GADL1: variants seen among roughly 807,000 people sequenced by gnomAD.
GADL1 encodes GAD like acidic amino acid decarboxylase 1, also known as acidic amino acid decarboxylase GADL1.
GADL1 carries 71 observed loss-of-function variants against 69.5 expected under a neutral mutation model. The ratio of observed to expected loss-of-function variants is 1.02; its 90% CI spans 0.84 to 1.25. The LOEUF is 1.25. Ranked by LOEUF, GADL1 falls within the 50% of genes most tolerant of loss-of-function variation. The pLI, the probability that GADL1 is intolerant of heterozygous loss-of-function variation, is 0.00. For synonymous variants in GADL1, 254 were observed against 214.4 expected (o/e 1.18, Z -1.62); for missense variants, 737 against 631.8 (o/e 1.17, Z -1.79).
chr3:30,819,519 A>T (rs945355148), intron 11 of GADL1, among the ~76,000 whole-genome samples: 2 of 152,130 alleles, frequency 1.3e-5, no homozygotes, highest in East Asian at 3.9e-4. Context: ...GTAAACTAAC[A>T]TGGTTATTAC....
chr3:30,785,294 C>T (rs1696763939), intron 13 of GADL1, among the ~76,000 whole-genome samples: 1 of 151,960 alleles, frequency 6.6e-6, no homozygotes, highest in Non-Finnish European at 1.5e-5. Flanking sequence ...TTTCTGTTTT[C>T]TATCTCCTGT....
chr3:30,748,197 T>C (rs1305079102), intron 14 of GADL1, among the ~76,000 whole-genome samples: 5 of 152,160 alleles, frequency 3.3e-5, no homozygotes, highest in African/African-American at 1.2e-4. Context: ...GAACACCATC[T>C]AGTGAAGGAT....
chr3:30,806,013 C>G (rs1697247999), intron 11 of GADL1, among the ~76,000 whole-genome samples: 1 of 151,940 alleles, frequency 6.6e-6, no homozygotes, highest in Non-Finnish European at 1.5e-5. Context: ...TCACCTCCTG[C>G]TGTGTGGCCC....
At chr3:30,821,371 T>G (rs1697576871) in intron 11 of GADL1, among the ~76,000 whole-genome samples, 1 of 152,086 alleles carries the variant, frequency 6.6e-6, no homozygotes, top group Non-Finnish European at 1.5e-5. Context: ...ACTGAAATAC[T>G]TACAAGTAAA....
At chr3:30,859,122 G>A (rs1355017201) in intron 2 of GADL1, among the ~76,000 whole-genome samples, 5 of 151,904 alleles carry the variant, frequency 3.3e-5, no homozygotes, top group Non-Finnish European at 7.4e-5. Context: ...AAGTGAGAAT[G>A]TAGGAGGTGA....
chr3:30,775,755 G>A (rs1696522928), intron 14 of GADL1, among the ~76,000 whole-genome samples: 1 of 152,140 alleles, frequency 6.6e-6, no homozygotes, highest in African/African-American at 2.4e-5. Context: ...GCAAATATTG[G>A]GGATAAGAGA....
Position 30,807,961 on chromosome 3 carries a change from G to A in GADL1, c.1051-6873C>T, listed in dbSNP as rs559661495. Among the ~76,000 whole-genome samples, 513 of 82,424 alleles carry A rather than the reference G, an allele frequency of 6.2e-3. 1 individual carries two copies. The highest frequency in any genetic ancestry group is 0.032 in the African/African-American group (495 of 15,444). 54.1% of individuals were successfully genotyped at this position (82,424 alleles called of 152,430 possible). On this transcript the variant is annotated intron_variant, in intron 11 of 14. Transcript: ENST00000282538. ...GCAGAAGAATCGTTTGAACCCGGGA[G>A]GTGGAGATTGCAGTGAGCCGAGATT... is the stretch of plus-strand genomic sequence containing the variant.
intron 13 of GADL1, chr3:30,779,097 A>G (rs1696601397): frequency 6.6e-6 from 1 of 152,198 alleles, no homozygotes. Flanking sequence ...ATGGGACTGT[A>G]TTGTAACAGG....
At chr3:30,835,779 G>C (rs966262819) in intron 9 of GADL1, among the ~76,000 whole-genome samples, 3 of 152,042 alleles carry the variant, frequency 2.0e-5, no homozygotes, top group Non-Finnish European at 4.4e-5. Flanking sequence ...TGTGTTTCAA[G>C]GGTGTTGGGT....
rs568984120 is a variant in GADL1, at chr3:30,765,542, G to T, written c.1392+12637C>A. 9.7e-4 allele frequency among the ~76,000 whole-genome samples: 147 copies of T among 152,306 alleles called. 1 individual carries two copies. The highest frequency in any genetic ancestry group is 3.5e-3 in the African/African-American group (145 of 41,566). The stretch of plus-strand genomic sequence containing the variant: ...AATCAACCCCATTATTAAACATTCA[G>T]TACCAGGGCTTGCTTCATGGGTGTG... On this transcript the variant is annotated intron_variant, in intron 14 of 14. Coordinates refer to ENST00000282538, the MANE Select transcript of GADL1 (RefSeq NM_207359.3).
intron 14 of GADL1, among the ~76,000 whole-genome samples, chr3:30,777,323 A>G (rs1559496841): frequency 1.3e-5 from 2 of 152,230 alleles, no homozygotes; most frequent in Non-Finnish European, 2.9e-5. Context: ...AACCAGGGTC[A>G]TAAAGTCAGC....
chr3:30,761,123 C>A (rs549133202), intron 14 of GADL1, among the ~76,000 whole-genome samples: 4 of 152,128 alleles, frequency 2.6e-5, no homozygotes, highest in Admixed American at 2.6e-4. Context: ...TCTGAAGAGA[C>A]CCTGGACGTA....
At chr3:30,840,957 C>T (rs936877693) in intron 8 of GADL1, among the ~76,000 whole-genome samples, 2 of 152,188 alleles carry the variant, frequency 1.3e-5, no homozygotes, top group Non-Finnish European at 2.9e-5. Flanking sequence ...TCAGTAAGCC[C>T]TTTAGGACCT....
chr3:30,850,338 T>C (rs563982744), intron 5 of GADL1, among the ~76,000 whole-genome samples: 78 of 152,272 alleles, frequency 5.1e-4, no homozygotes, highest in African/African-American at 1.8e-3. Context: ...AATTTTGGTT[T>C]ATTCCCATGA....
chr3:30,769,989 C>CA (rs1233125861), intron 14 of GADL1, among the ~76,000 whole-genome samples: 1 of 50,718 alleles, frequency 2.0e-5, no homozygotes, highest in African/African-American at 1.7e-4. Flanking sequence ...ACATTAAAAA[C>CA]AAAGGGTTCA....
intron 14 of GADL1, among the ~76,000 whole-genome samples, chr3:30,735,485 A>G (rs972608512): frequency 6.6e-5 from 10 of 152,314 alleles, no homozygotes; most frequent in African/African-American, 2.4e-4. Context: ...CTACCAACAC[A>G]ACATAGAAGA....
intron 11 of GADL1, among the ~76,000 whole-genome samples, chr3:30,801,767 C>T (rs1464223350): frequency 2.0e-5 from 3 of 152,078 alleles, no homozygotes; most frequent in African/African-American, 4.8e-5. Context: ...GCCTTTGCCT[C>T]GACCTCAAAT....
At chr3:30,766,626 A>G (rs1311264937) in intron 14 of GADL1, among the ~76,000 whole-genome samples, 1 of 152,142 alleles carries the variant, frequency 6.6e-6, no homozygotes, top group Non-Finnish European at 1.5e-5. Flanking sequence ...CACCACAAAG[A>G]TGAAGCCAGA....
At chr3:30,745,215 C>A (rs1388621390) in intron 14 of GADL1, among the ~76,000 whole-genome samples, 1 of 152,120 alleles carries the variant, frequency 6.6e-6, no homozygotes, top group Non-Finnish European at 1.5e-5. Flanking sequence ...TTAGTGAAGG[C>A]CTATTTAATT....
Sources: allele counts gnomAD v4.1 joint callset (sites outside exome capture counted in the v4.1 genomes callset), GRCh38; gene constraint gnomAD v4.1.1; transcripts MANE v1.5; gene names NCBI Gene and HGNC (gene_info 2026-07-23, HGNC 2026-07-21).